GABRA1: variants seen among roughly 807,000 people sequenced by gnomAD.
GABRA1 encodes the protein gamma-aminobutyric acid type A receptor subunit alpha1.
In GABRA1, 9 loss-of-function variants were observed where a neutral mutation model predicts 48.9. The observed-to-expected ratio is 0.18, with a 90% confidence interval of 0.11 to 0.32. The LOEUF is 0.32. Ranked by LOEUF, GABRA1 falls within the 10% of genes least tolerant of loss-of-function variation. GABRA1 has a pLI of 1.00. For missense variants in GABRA1, 285 were observed against 553.8 expected (o/e 0.51, Z 4.87); for synonymous variants, 210 against 198.7 (o/e 1.06, Z -0.48).
intron 6 of GABRA1, 111 bp downstream of exon 6, chr5:161,875,753 C>G (rs1313557813): frequency 1.3e-6 from 1 of 792,918 alleles, no homozygotes; most frequent in African/African-American, 1.7e-5. Flanking sequence ...ATTTAAACAG[C>G]AATATACCAC....
intron 2 of GABRA1, among the ~76,000 whole-genome samples, chr5:161,852,754 A>T (rs554229328): frequency 2.6e-5 from 4 of 152,140 alleles, no homozygotes; most frequent in Non-Finnish European, 2.9e-5. Context: ...GACACATTAC[A>T]TATATCCAAT....
chr5:161,897,287 C>T lies in GABRA1; in HGVS notation c.1236C>T (p.Thr412=). The part of the protein sequence containing the change: ...PETKPPEPKK[T]FNSVSKIDRL... The stretch of plus-strand genomic sequence containing the variant: ...CAAAACCACCAGAACCCAAGAAAAC[C>T]TTTAACAGTGTCAGCAAAATTGACC... Residue 412 remains threonine, a synonymous_variant, in exon 10 of 10, where the codon ACC becomes ACT. Transcript: ENST00000393943. The T allele has an allele frequency of 6.2e-7, 1 of 1,614,152 alleles. No homozygotes were observed. Among genetic ancestry groups the T allele is most frequent in the Non-Finnish European group, 8.5e-7 (1 of 1,180,014 alleles).
At chr5:161,885,964 T>C (rs1047102929) in intron 7 of GABRA1, among the ~76,000 whole-genome samples, 2 of 152,154 alleles carry the variant, frequency 1.3e-5, no homozygotes, top group African/African-American at 4.8e-5. Context: ...CCTTCAGAAG[T>C]TCTTAGTTGA....
intron 6 of GABRA1, among the ~76,000 whole-genome samples, chr5:161,877,328 G>A (rs1449249000): frequency 2.6e-5 from 4 of 152,108 alleles, no homozygotes; most frequent in African/African-American, 7.2e-5. Context: ...AAATTAGTCA[G>A]GAATGCTTTC....
intron 4 of GABRA1, among the ~76,000 whole-genome samples, chr5:161,869,793 T>C (rs1754029181): frequency 6.6e-6 from 1 of 152,150 alleles, no homozygotes; most frequent in African/African-American, 2.4e-5. Flanking sequence ...GGCTGGAGCC[T>C]GGAAACTTGA....
At chr5:161,860,810 G>A (rs1000295268) in intron 3 of GABRA1, among the ~76,000 whole-genome samples, 5 of 151,608 alleles carry the variant, frequency 3.3e-5, no homozygotes, top group Non-Finnish European at 7.4e-5. Context: ...TTACAAAAAA[G>A]TAACCACTGC....
intron 6 of GABRA1, 127 bp from the exon 7 acceptor site, chr5:161,882,431 G>A: frequency 2.3e-6 from 2 of 877,440 alleles, no homozygotes; most frequent in Middle Eastern, 2.6e-4. Flanking sequence ...AGGGACATAA[G>A]CTCATCTTTC....
In GABRA1 at chr5:161,891,022, A is replaced by G. The variant is rs1444728325; in HGVS notation, c.828A>G (p.Arg276=). 5 of 1,613,816 alleles carry G rather than the reference A, an allele frequency of 3.1e-6. No individual in the cohort carries two copies. The African/African-American group carries it at 6.7e-5, about 22-fold the overall frequency. The change falls in exon 8 of 10, where the codon AGA becomes AGG. Residue 276 remains arginine, a synonymous_variant. Coordinates refer to ENST00000393943, the MANE Select transcript of GABRA1 (RefSeq NM_001127644.2). ...CACAAGTCTCCTTCTGGCTCAACAG[A>G]GAGTCTGTACCAGCAAGAACTGTCT... ...ILSQVSFWLN[R]ESVPARTVFG...
In GABRA1 at chr5:161,897,161, A is replaced by C. The variant is rs1183022009; in HGVS notation, c.1110A>C (p.Pro370=). 1 of 1,614,002 alleles carries C rather than the reference A, an allele frequency of 6.2e-7. No homozygotes were observed. Among genetic ancestry groups the C allele is most frequent in the Non-Finnish European group, 8.5e-7 (1 of 1,180,002 alleles). ...PLIKKNNTYA[P]TATSYTPNLA... ...TTAAGAAAAACAACACTTACGCTCC[A>C]ACAGCAACCAGCTACACCCCTAATT... The change falls in exon 10 of 10, where the codon CCA becomes CCC. Residue 370 remains proline, a synonymous_variant. Coordinates refer to ENST00000393943, the MANE Select transcript of GABRA1 (RefSeq NM_001127644.2).
chr5:161,898,865 A>G lies in GABRA1; in HGVS notation c.*1443A>G, dbSNP rs575959204. Reference sequence around the variant, plus strand: ...AAATACATAAAAGAATGTACAGAAAATAGCTTTTATTGAGTAATATTACAT... The same window carrying G: ...AAATACATAAAAGAATGTACAGAAAGTAGCTTTTATTGAGTAATATTACAT... On this transcript the variant is annotated 3_prime_UTR_variant, in exon 10 of 10. Transcript: ENST00000393943. 3.3e-5 allele frequency: 5 copies of G among 152,710 alleles called. No individual in the cohort carries two copies. In the South Asian group the frequency reaches 1.0e-3, roughly 32 times the overall value. The allele number at this position is 152,710 out of a possible 1,614,324, so 9.5% of individuals were successfully genotyped here. A position where few individuals can be genotyped will look rare whatever the true frequency, so the allele number is the denominator to read the frequency against.
chr5:161,875,836 C>G (rs1754325755), intron 6 of GABRA1, among the ~76,000 whole-genome samples, 194 bp downstream of exon 6: 1 of 152,122 alleles, frequency 6.6e-6, no homozygotes, highest in African/African-American at 2.4e-5. Flanking sequence ...TATTCTTTAT[C>G]TACTGAACTA....
At chr5:161,847,937 A>C (rs1581171611), upstream of GABRA1, 1 of 150,876 alleles carries the variant, frequency 6.6e-6, no homozygotes, top group African/African-American at 2.4e-5. Flanking sequence ...TCCCCCCAAA[A>C]AGAGAAGCTT....
chr5:161,853,133 A>G lies in GABRA1; in HGVS notation c.75-1025A>G, dbSNP rs553685402. On this transcript the variant is annotated intron_variant, in intron 2 of 9. Transcript: ENST00000393943. ...TAAATGTGATCCATCCTAAGATAGAAAACAATTCTCTCAAAGGATTTTGGA... is the reference window on the plus strand; with the variant it reads ...TAAATGTGATCCATCCTAAGATAGAGAACAATTCTCTCAAAGGATTTTGGA... 2.0e-5 allele frequency among the ~76,000 whole-genome samples: 3 copies of G among 152,000 alleles called. No homozygotes were observed. In the East Asian group the frequency reaches 5.8e-4, roughly 29 times the overall value.
At position 161,892,100 on chromosome 5, in the gene GABRA1, C is replaced by T. The variant is rs568120505; in HGVS notation, c.856+1050C>T. ...TGTTCGCCTAATGACAATGCTGTAT[C>T]GTCACCTCTGAGCTATCCTGCTGCA... On this transcript the variant is annotated intron_variant, in intron 8 of 9. Transcript: ENST00000393943. Among the ~76,000 whole-genome samples the T allele has an allele frequency of 9.9e-4, 151 of 152,266 alleles. 5 individuals carry two copies. The highest frequency in any genetic ancestry group is 5.4e-4 in the Non-Finnish European group (37 of 68,014).
At chr5:161,872,925 A>T (rs184709224) in intron 4 of GABRA1, 192 bp from the exon 5 acceptor site, 116 of 574,216 alleles carry the variant, frequency 2.0e-4, no homozygotes, top group African/African-American at 8.4e-4. Flanking sequence ...TATTTTTTTT[A>T]AAAAATCATT....
chr5:161,860,329 A>C (rs1581184655), intron 3 of GABRA1, among the ~76,000 whole-genome samples: 1 of 151,810 alleles, frequency 6.6e-6, no homozygotes. Context: ...AACTACTGCC[A>C]TGTTTGTCTT....
rs1182690353 is a variant in GABRA1 at position 161,898,243 on chromosome 5, T to G, written c.*821T>G. On this transcript the variant is annotated 3_prime_UTR_variant, in exon 10 of 10. Transcript: ENST00000393943. The stretch of plus-strand genomic sequence containing the variant: ...AAAAATATTCCCTTTTTCACCCTAT[T>G]TTCAGATAGCACATGAGCCCAACAC... The G allele has an allele frequency of 6.6e-6, 1 of 152,582 alleles. No individual in the cohort carries two copies. Among genetic ancestry groups the G allele is most frequent in the East Asian group, 1.9e-4 (1 of 5,196 alleles). 9.5% of individuals were successfully genotyped at this position (152,582 alleles called of 1,614,324 possible).
In GABRA1 at chr5:161,848,340, G is replaced by C. The variant is rs569773254; in HGVS notation, c.-98G>C. ...CGCCCGGACTCGGACTCGCAGACTCGCGCTGGCTCCAGTCTCTCCACGATT... is the reference window on the plus strand; with the variant it reads ...CGCCCGGACTCGGACTCGCAGACTCCCGCTGGCTCCAGTCTCTCCACGATT... On this transcript the variant is annotated 5_prime_UTR_variant, in exon 1 of 10. Coordinates refer to ENST00000393943, the MANE Select transcript of GABRA1 (RefSeq NM_001127644.2). The C allele has an allele frequency of 2.6e-5, 4 of 151,618 alleles. No homozygotes were observed. The highest frequency in any genetic ancestry group is 2.0e-4 in the Admixed American group (3 of 15,230). 9.4% of individuals were successfully genotyped at this position (151,618 alleles called of 1,614,324 possible). A position where few individuals can be genotyped will look rare whatever the true frequency, so the allele number is the denominator to read the frequency against.
intron 7 of GABRA1, among the ~76,000 whole-genome samples, chr5:161,885,315 C>G (rs1373097441): frequency 6.6e-6 from 1 of 152,122 alleles, no homozygotes; most frequent in Non-Finnish European, 1.5e-5. Flanking sequence ...TTTTACATCT[C>G]TTTGTGGAGC....
Sources: allele counts gnomAD v4.1 joint callset (sites outside exome capture counted in the v4.1 genomes callset), GRCh38; gene constraint gnomAD v4.1.1; transcripts MANE v1.5; gene names NCBI Gene and HGNC (gene_info 2026-07-23, HGNC 2026-07-21).